The following ADAMTS10 variants were observed in gnomAD, a reference collection of about 807,000 sequenced individuals.
ADAMTS10 encodes A disintegrin and metalloproteinase with thrombospondin motifs 10.
ADAMTS10 carries 48 observed loss-of-function variants against 135.9 expected under a neutral mutation model. That is an observed-to-expected ratio of 0.35 (90% CI 0.28 to 0.45). The LOEUF is 0.45. Ranked by LOEUF, ADAMTS10 falls within the 20% of genes least tolerant of loss-of-function variation. The probability of loss-of-function intolerance (pLI) is 1.00; values close to 1 mark genes in which losing one functional copy is unlikely to be tolerated. For missense variants in ADAMTS10, 1,131 were observed against 1,565.2 expected (o/e 0.72, Z 4.68); for synonymous variants, 621 against 647.5 (o/e 0.96, Z 0.62).
intron 25 of ADAMTS10, among the ~76,000 whole-genome samples, chr19:8,583,782 GGGAGGT>G (rs1469162548): frequency 6.6e-6 from 1 of 150,814 alleles, no homozygotes; most frequent in African/African-American, 2.4e-5. Context: ...GCTTGAGCCT[GGGAGGT>G]GGAGGTTGCA....
intron 6 of ADAMTS10, among the ~76,000 whole-genome samples, chr19:8,599,214 G>C (rs1250693453): frequency 6.6e-6 from 1 of 152,032 alleles, no homozygotes; most frequent in Non-Finnish European, 1.5e-5. Context: ...GGGTTGGGGA[G>C]GTCAGCCTGT....
intron 22 of ADAMTS10, 85 bp downstream of exon 22, chr19:8,586,037 C>A: frequency 6.2e-7 from 1 of 1,603,844 alleles, no homozygotes; most frequent in South Asian, 1.1e-5. Flanking sequence ...CTAATCTGCT[C>A]CCCACCCCCC....
In ADAMTS10 at chr19:8,605,408, C is replaced by G. The variant is rs782354985; in HGVS notation, c.89-50G>C. 3.9e-6 allele frequency: 6 copies of G among 1,532,940 alleles called. No individual in the cohort carries two copies. Among genetic ancestry groups the G allele is most frequent in the South Asian group, 1.2e-5 (1 of 84,154 alleles). The allele number at this position is 1,532,940 out of a possible 1,614,324, so 95.0% of individuals were successfully genotyped here. Reference sequence around the variant, plus strand: ...GGGTGGGCCCTGGTCTTATTGGACCCCTGTGTCCTGGCTGTTAGGCTGCTG... The same window carrying G: ...GGGTGGGCCCTGGTCTTATTGGACCGCTGTGTCCTGGCTGTTAGGCTGCTG... On this transcript the variant is annotated intron_variant, in intron 3 of 25. Coordinates refer to ENST00000597188, the MANE Select transcript of ADAMTS10 (RefSeq NM_030957.4). This position sits in a 1 kb window ranked among gnomAD's most constrained non-coding sequence, Gnocchi z 7.7.
chr19:8,589,525 C>T lies in ADAMTS10; in HGVS notation c.1961G>A (p.Arg654Lys). The change falls in exon 17 of 26, where the codon AGG (arginine) becomes AAG (lysine). Residue 654 changes from arginine to lysine, a missense_variant. Physicochemically the swap from Arg to Lys is conservative, Grantham distance 26. Around this residue, in one of 3 missense-constraint regions of ADAMTS10, gnomAD observed 745 missense variants for 1,056.3 expected, o/e 0.71. Transcript: ENST00000597188. ...TGTCCCGTCCACCACGGCTGCCGCC[C>T]TCTCCGTGTAGAAGTTGAAGCCTTC... Reference protein sequence around the residue: ...LAEGFNFYTERAAAVVDGTPC... With the variant: ...LAEGFNFYTEKAAAVVDGTPC... The T allele has an allele frequency of 1.2e-6, 2 of 1,613,558 alleles. No individual in the cohort carries two copies. Among genetic ancestry groups the T allele is most frequent in the Non-Finnish European group, 1.7e-6 (2 of 1,179,988 alleles).
rs781941480 is a variant in ADAMTS10, at chr19:8,596,511, T to G, written c.1084+31A>C. 6.2e-7 allele frequency: 1 copy of G among 1,613,752 alleles called. No homozygotes were observed. The highest frequency in any genetic ancestry group is 8.5e-7 in the Non-Finnish European group (1 of 1,179,882). Reference sequence around the variant, plus strand: ...GTCTCACCCCAGCCCACTGCCTTCATAGGCGCCTGAAACCTACGGGGCTCG... The same window carrying G: ...GTCTCACCCCAGCCCACTGCCTTCAGAGGCGCCTGAAACCTACGGGGCTCG... On this transcript the variant is annotated intron_variant, in intron 9 of 25. Coordinates refer to ENST00000597188, the MANE Select transcript of ADAMTS10 (RefSeq NM_030957.4). This position sits in a 1 kb window ranked among gnomAD's most constrained non-coding sequence, Gnocchi z 7.2.
intron 19 of ADAMTS10, 46 bp from the exon 20 acceptor site, chr19:8,586,767 C>T: frequency 1.2e-6 from 2 of 1,614,056 alleles, no homozygotes; most frequent in Non-Finnish European, 1.7e-6. Context: ...GCTGAAACCG[C>T]CCTCCCCACT....
intron 14 of ADAMTS10, 34 bp downstream of exon 14, chr19:8,591,924 G>T: frequency 6.2e-7 from 1 of 1,610,524 alleles, no homozygotes; most frequent in Non-Finnish European, 8.5e-7. Context: ...CAGGGGTCGC[G>T]CTGCCCTCCC....
intron 2 of ADAMTS10, among the ~76,000 whole-genome samples, chr19:8,606,770 G>A (rs2042726379): frequency 2.0e-5 from 3 of 152,140 alleles, no homozygotes; most frequent in South Asian, 4.1e-4. Flanking sequence ...TCCGGTGGAG[G>A]GTGGACGGGG....
chr19:8,580,804 C>T lies in ADAMTS10; in HGVS notation c.*89G>A, dbSNP rs868935863. On this transcript the variant is annotated 3_prime_UTR_variant, in exon 26 of 26. Transcript: ENST00000597188. ...TCCGTCTCACCCTTCCCTCCCAGTT[C>T]CCGCCCCCCCGGGGCCCCCTCTGGC... 9.6e-7 allele frequency: 1 copy of T among 1,045,006 alleles called. No individual in the cohort carries two copies. Among genetic ancestry groups the T allele is most frequent in the Non-Finnish European group, 1.4e-6 (1 of 705,978 alleles). The allele number at this position is 1,045,006 out of a possible 1,614,324, so 64.7% of individuals were successfully genotyped here.
intron 1 of ADAMTS10, among the ~76,000 whole-genome samples, chr19:8,610,186 C>A (rs1555743238): frequency 6.6e-6 from 1 of 151,950 alleles, no homozygotes; most frequent in Non-Finnish European, 1.5e-5. Flanking sequence ...AGACACCCCC[C>A]CACACCAGAC....
At chr19:8,587,484 T>TTC (rs1555737621) in intron 18 of ADAMTS10, among the ~76,000 whole-genome samples, 1 of 149,318 alleles carries the variant, frequency 6.7e-6, no homozygotes, top group African/African-American at 2.5e-5. Context: ...TTTTTTTTTT[T>TTC]CAGACAGGAT....
In ADAMTS10 at chr19:8,605,269, G is replaced by T. The variant is rs1555742324; in HGVS notation, c.178C>A (p.Pro60Thr). 1.9e-6 allele frequency: 3 copies of T among 1,612,832 alleles called. No individual in the cohort carries two copies. The highest frequency in any genetic ancestry group is 2.5e-6 in the Non-Finnish European group (3 of 1,179,518). ...GTGCCGCGGCGCTGCCTCCGGGGAG[G>T]AGGTGGCGAGAAGGCCAGCAGTGCC... ...NGALLAFSPP[P>T]PRRQRRGTGA... The change falls in exon 4 of 26, where the codon CCT (proline) becomes ACT (threonine). Residue 60 changes from proline (P) to threonine (T), a missense_variant. Physicochemically the swap from Pro to Thr is conservative, Grantham distance 38. This residue lies in a region of ADAMTS10 where 306 missense variants were observed against 344.4 expected (regional missense o/e 0.89). Coordinates refer to ENST00000597188, the MANE Select transcript of ADAMTS10 (RefSeq NM_030957.4). The surrounding 1 kb of genome is among the most constrained non-coding windows in gnomAD (Gnocchi z 7.7).
At position 8,596,420 on chromosome 19, in the gene ADAMTS10, G is replaced by A. The variant is rs370070701; in HGVS notation, c.1085-8C>T. 6.2e-7 allele frequency: 1 copy of A among 1,613,782 alleles called. No individual in the cohort carries two copies. The highest frequency in any genetic ancestry group is 2.2e-5 in the East Asian group (1 of 44,874). On this transcript the variant is annotated splice_region_variant and splice_polypyrimidine_tract_variant and intron_variant, in intron 9 of 25. Transcript: ENST00000597188. The surrounding 1 kb of genome is among the most constrained non-coding windows in gnomAD (Gnocchi z 7.2). ...CGCCCACCGGGGCCAGGCCTGGGAA[G>A]ACGGACATGTGGGGATGGGGCTGGG...
chr19:8,605,742 C>G lies in ADAMTS10; in HGVS notation c.-32G>C, dbSNP rs2042715394. On this transcript the variant is annotated 5_prime_UTR_variant, in exon 3 of 26. Transcript: ENST00000597188. This position sits in a 1 kb window ranked among gnomAD's most constrained non-coding sequence, Gnocchi z 7.7. ...CACGTGTCCACATGTCTCTCCCCAG[C>G]CCCGGCTGCCGGCAGCCCCCACAGT... 1 of 1,578,686 alleles carries G rather than the reference C, an allele frequency of 6.3e-7. No homozygotes were observed. The highest frequency in any genetic ancestry group is 8.6e-7 in the Non-Finnish European group (1 of 1,165,472).
rs1176435506 is a variant in ADAMTS10 at position 8,603,954 on chromosome 19, C to T, written c.436-70G>A. The T allele has an allele frequency of 1.5e-5, 21 of 1,447,190 alleles. 1 individual carries two copies. Among genetic ancestry groups the T allele is most frequent in the Admixed American group, 1.4e-4 (6 of 43,584 alleles). 89.6% of individuals were successfully genotyped at this position (1,447,190 alleles called of 1,614,324 possible). On this transcript the variant is annotated intron_variant, in intron 4 of 25. Coordinates refer to ENST00000597188, the MANE Select transcript of ADAMTS10 (RefSeq NM_030957.4). Reference sequence around the variant, plus strand: ...TGGAGCTTAGGACCCCTGGGACCTTCTCTCTGTCTTTATGATTTCATTCTT... The same window carrying T: ...TGGAGCTTAGGACCCCTGGGACCTTTTCTCTGTCTTTATGATTTCATTCTT...
intron 18 of ADAMTS10, among the ~76,000 whole-genome samples, chr19:8,587,868 T>C (rs1366542610): frequency 6.7e-6 from 1 of 149,336 alleles, no homozygotes; most frequent in Non-Finnish European, 1.5e-5. Flanking sequence ...TAGGTGGAGC[T>C]TGCAGTGAGT....
At chr19:8,588,902 G>A (rs572308527) in intron 18 of ADAMTS10, among the ~76,000 whole-genome samples, 12 of 151,770 alleles carry the variant, frequency 7.9e-5, no homozygotes, top group East Asian at 1.9e-4. Context: ...AGCAGTTCTC[G>A]TGCCTCAGCT....
rs144419462 is a variant in ADAMTS10 at position 8,601,061 on chromosome 19, C to T, written c.677G>A (p.Arg226His). 74 of 1,614,030 alleles carry T rather than the reference C, an allele frequency of 4.6e-5. No individual in the cohort carries two copies. Among genetic ancestry groups the T allele is most frequent in the African/African-American group, 6.7e-5 (5 of 74,942 alleles). Residue 226 changes from arginine (R) to histidine (H), a missense_variant, in exon 6 of 26, where the codon CGT (arginine) becomes CAT (histidine). By Grantham distance (29) the Arg-to-His change is conservative (BLOSUM62 0). This residue lies in a region of ADAMTS10 where 306 missense variants were observed against 344.4 expected (regional missense o/e 0.89). Coordinates refer to ENST00000597188, the MANE Select transcript of ADAMTS10 (RefSeq NM_030957.4). The surrounding 1 kb of genome is among the most constrained non-coding windows in gnomAD (Gnocchi z 4.6). ...CGATCGCTTCAGGCCTGGCTGGCCA[C>T]GCTCTGTTTCATTCCCCAGGGGCCT... ...PARPLGNETE[R>H]GQPGLKRSVS...
At chr19:8,602,878 C>G (rs190447040) in intron 5 of ADAMTS10, among the ~76,000 whole-genome samples, 182 of 152,244 alleles carry the variant, frequency 1.2e-3, no homozygotes, top group African/African-American at 4.3e-3. Context: ...TTTCCCGCCT[C>G]AACTTCACAA....
Sources: gnomAD v4.1 joint callset for allele counts (sites outside exome capture counted in the v4.1 genomes callset) on GRCh38, gnomAD v4.1.1 for gene constraint, gnomAD v4.1.1 regional missense constraint, Gnocchi (gnomAD v3.1) non-coding constraint, MANE v1.5 for transcripts, NCBI Gene and HGNC (gene_info 2026-07-23, HGNC 2026-07-21) for gene names.